HHIPL2: variants seen among roughly 807,000 people sequenced by gnomAD.
HHIPL2 encodes the protein HHIP-like protein 2.
A neutral mutation model predicts 61.0 loss-of-function variants in HHIPL2; 61 were observed. That is an observed-to-expected ratio of 1.00 (90% CI 0.81 to 1.24). HHIPL2 has a LOEUF of 1.24. Ranked by LOEUF, HHIPL2 falls within the 50% of genes most tolerant of loss-of-function variation. HHIPL2 has a pLI of 0.00. For missense variants in HHIPL2, 885 were observed against 910.2 expected, an observed-to-expected ratio of 0.97 and a Z score of 0.36; for synonymous variants, 343 against 357.4, an observed-to-expected ratio of 0.96 and a Z score of 0.45.
At chr1:222,526,621 C>G (rs1659071680) in intron 7 of HHIPL2, among the ~76,000 whole-genome samples, 1 of 147,408 alleles carries the variant, frequency 6.8e-6, no homozygotes, top group African/African-American at 2.5e-5. Context: ...AGGAATATCG[C>G]TTGAACCTGG....
At chr1:222,539,904 G>A (rs537217304) in intron 4 of HHIPL2, 106 bp downstream of exon 4, 123 of 919,048 alleles carry the variant, frequency 1.3e-4, no homozygotes, top group East Asian at 8.1e-4. Flanking sequence ...CAAACAAGGC[G>A]TGATTTAAAT....
rs1313577009 is a variant in HHIPL2, at chr1:222,543,919, C to T, written c.592G>A (p.Ala198Thr). 3.1e-6 allele frequency: 5 copies of T among 1,614,230 alleles called. No homozygotes were observed. The highest frequency in any genetic ancestry group is 4.2e-6 in the Non-Finnish European group (5 of 1,180,044). Residue 198 changes from alanine to threonine, a missense_variant, in exon 2 of 9, where the codon GCC becomes ACC. Ala to Thr is a moderately conservative substitution (Grantham distance 58). Transcript: ENST00000343410. ...DYLNRHLGMVAQDPQGCLQLC... is the reference protein window; with the variant it reads ...DYLNRHLGMVTQDPQGCLQLC... ...TGCAGGCAGCCCTGAGGATCTTGGG[C>T]CACCATGCCCAGGTGGCGGTTGAGA...
chr1:222,525,562 G>T (rs1659045577), intron 7 of HHIPL2, among the ~76,000 whole-genome samples: 1 of 152,174 alleles, frequency 6.6e-6, no homozygotes, highest in South Asian at 2.1e-4. Flanking sequence ...CCAGTGGCTG[G>T]ACCTATTTGC....
intron 8 of HHIPL2, among the ~76,000 whole-genome samples, chr1:222,523,167 A>G (rs1431879763): frequency 6.6e-6 from 1 of 152,022 alleles, no homozygotes; most frequent in Non-Finnish European, 1.5e-5. Flanking sequence ...GGGCCCTCTA[A>G]GTGCCCTGAG....
chr1:222,542,352 T>A (rs1659450447), intron 2 of HHIPL2, among the ~76,000 whole-genome samples, 197 bp from the exon 3 acceptor site: 1 of 150,288 alleles, frequency 6.7e-6, no homozygotes, highest in South Asian at 2.1e-4. Flanking sequence ...TATAACTCTT[T>A]CATGGCTCAT....
At chr1:222,530,723 TC>T (rs1395534117) in intron 6 of HHIPL2, among the ~76,000 whole-genome samples, 1 of 117,774 alleles carries the variant, frequency 8.5e-6, no homozygotes, top group African/African-American at 3.6e-5. Flanking sequence ...CTATAGAGAA[TC>T]TTTTTTTTTA....
intron 5 of HHIPL2, among the ~76,000 whole-genome samples, chr1:222,537,834 A>G (rs969640706): frequency 2.6e-5 from 4 of 152,200 alleles, no homozygotes; most frequent in Admixed American, 6.5e-5. Context: ...TTAACAAAAT[A>G]ACATTTACTA....
At chr1:222,539,527 T>TAAAAAAAAAAAAAAAAAAAA (rs10537670) in intron 4 of HHIPL2, among the ~76,000 whole-genome samples, 1 of 85,202 alleles carries the variant, frequency 1.2e-5, no homozygotes, top group Non-Finnish European at 2.4e-5. Context: ...AGACTCTGTC[T>TAAAAAAAAAAAAAAAAAAAA]AAAAAAAAAA....
intron 5 of HHIPL2, 128 bp downstream of exon 5, chr1:222,538,520 G>A: frequency 2.4e-6 from 2 of 820,218 alleles, no homozygotes; most frequent in South Asian, 3.5e-5. Flanking sequence ...GTGGTAATAT[G>A]AGTGCATACA....
At chr1:222,525,971 C>A (rs1042848969) in intron 7 of HHIPL2, among the ~76,000 whole-genome samples, 4 of 151,700 alleles carry the variant, frequency 2.6e-5, no homozygotes, top group African/African-American at 7.3e-5. Context: ...TGCAGTCCAG[C>A]CTGGGAAACA....
At position 222,536,023 on chromosome 1, in the gene HHIPL2, A is replaced by T. The variant is rs372611855; in HGVS notation, c.1577+2625T>A. ...TAGTACTCGGGGGGAAATTTATAGC[A>T]CTAAACACATATATTAGAAAAGATG... On this transcript the variant is annotated intron_variant, in intron 5 of 8. Transcript: ENST00000343410. 5.9e-5 allele frequency among the ~76,000 whole-genome samples: 9 copies of T among 152,138 alleles called. No homozygotes were observed. The South Asian group carries it at 6.2e-4, about 11-fold the overall frequency.
chr1:222,526,644 G>A (rs112123799), intron 7 of HHIPL2, among the ~76,000 whole-genome samples: 17,661 of 149,034 alleles, frequency 0.12, 1,386 homozygotes, highest in African/African-American at 0.23. Context: ...GGCGGAGGTC[G>A]CGGTGAGACA....
Position 222,522,483 on chromosome 1 carries a change from C to A in HHIPL2, c.*118G>T. On this transcript the variant is annotated 3_prime_UTR_variant, in exon 9 of 9. Coordinates refer to ENST00000343410, the MANE Select transcript of HHIPL2 (RefSeq NM_024746.4). ...ATTTCCCAGGGAGAGGAAAACCGCC[C>A]TGCCCCACCTCTACCCTGGCTTCCC... The A allele has an allele frequency of 9.2e-7, 1 of 1,091,882 alleles. No individual in the cohort carries two copies. Among genetic ancestry groups the A allele is most frequent in the South Asian group, 1.5e-5 (1 of 65,816 alleles). The allele number at this position is 1,091,882 out of a possible 1,614,324, so 67.6% of individuals were successfully genotyped here. A position where few individuals can be genotyped will look rare whatever the true frequency, so the allele number is the denominator to read the frequency against.
chr1:222,545,100 C>T (rs781685565), intron 1 of HHIPL2, among the ~76,000 whole-genome samples: 33 of 152,228 alleles, frequency 2.2e-4, no homozygotes, highest in South Asian at 4.1e-4. Context: ...TGTGAGCAGA[C>T]GAGCGACTCC....
chr1:222,544,659 C>T (rs1199704095), intron 1 of HHIPL2, among the ~76,000 whole-genome samples: 2 of 152,120 alleles, frequency 1.3e-5, no homozygotes, highest in African/African-American at 4.8e-5. Flanking sequence ...GCCACCATGT[C>T]GGCCCAGCCT....
intron 6 of HHIPL2, among the ~76,000 whole-genome samples, chr1:222,529,447 C>A (rs1017418883): frequency 3.9e-5 from 6 of 152,150 alleles, no homozygotes; most frequent in Non-Finnish European, 5.9e-5. Flanking sequence ...AAGGCCTTCT[C>A]AGTCTAAAAA....
chr1:222,532,612 T>A (rs1659216358), intron 5 of HHIPL2, among the ~76,000 whole-genome samples: 1 of 118,290 alleles, frequency 8.5e-6, no homozygotes, highest in Admixed American at 9.2e-5. Flanking sequence ...CAAGACTTTG[T>A]CTCAAAAAAA....
In HHIPL2 at chr1:222,545,064, C is replaced by T. The variant is rs567657175; in HGVS notation, c.322-875G>A. Among the ~76,000 whole-genome samples, 10 of 152,306 alleles carry T rather than the reference C, an allele frequency of 6.6e-5. No individual in the cohort carries two copies. The South Asian group carries it at 2.1e-3, about 32-fold the overall frequency. ...CTACTTGGACCTCCCTAGACTATAA[C>T]ATTTTTTAGGAGGAAAATAGAATAT... On this transcript the variant is annotated intron_variant, in intron 1 of 8. Transcript: ENST00000343410.
At chr1:222,540,375 T>G (rs1294079411) in intron 3 of HHIPL2, 34 bp from the exon 4 acceptor site, 2 of 1,545,036 alleles carry the variant, frequency 1.3e-6, no homozygotes, top group African/African-American at 1.4e-5. Flanking sequence ...CAGAATGAGG[T>G]AAGCAAGGAA....
Sources: allele counts gnomAD v4.1 joint callset (sites outside exome capture counted in the v4.1 genomes callset), GRCh38; gene constraint gnomAD v4.1.1; transcripts MANE v1.5; gene names NCBI Gene and HGNC (gene_info 2026-07-23, HGNC 2026-07-21).